The following RBM33 variants were observed in gnomAD, a reference collection of about 807,000 sequenced individuals.
RBM33 encodes RNA-binding protein 33.
RBM33 carries 28 observed loss-of-function variants against 132.6 expected under a neutral mutation model. The ratio of observed to expected loss-of-function variants is 0.21; its 90% confidence interval spans 0.16 to 0.29. The LOEUF is 0.29. Ranked by LOEUF, RBM33 falls within the 10% of genes least tolerant of loss-of-function variation. The pLI is 1.00. For missense variants in RBM33, 1,291 were observed against 1,518.5 expected (o/e 0.85, Z 2.49); for synonymous variants, 634 against 593.0 (o/e 1.07, Z -1.01).
intron 9 of RBM33, among the ~76,000 whole-genome samples, chr7:155,736,825 A>ATT: frequency 6.6e-6 from 1 of 152,334 alleles, no homozygotes; most frequent in East Asian, 1.9e-4. Flanking sequence ...GATTAATGGG[A>ATT]AATAGGCCAA....
intron 5 of RBM33, among the ~76,000 whole-genome samples, chr7:155,688,547 C>G (rs1799542197): frequency 6.6e-6 from 1 of 152,176 alleles, no homozygotes; most frequent in African/African-American, 2.4e-5. Flanking sequence ...GCATCCCTGT[C>G]TTGTGGCAGT....
intron 14 of RBM33, among the ~76,000 whole-genome samples, chr7:155,755,574 G>C (rs1264123881): frequency 6.6e-6 from 1 of 152,208 alleles, no homozygotes; most frequent in African/African-American, 2.4e-5. Context: ...TGTCACTCTA[G>C]AATAATGCTG....
At chr7:155,673,325 TAAAA>T (rs548380622) in intron 3 of RBM33, among the ~76,000 whole-genome samples, 104 of 152,018 alleles carry the variant, frequency 6.8e-4, no homozygotes, top group Non-Finnish European at 1.2e-3. Context: ...TTAAAATAAA[TAAAA>T]GTCTAAAACC....
intron 9 of RBM33, 78 bp from the exon 10 acceptor site, chr7:155,737,452 C>A: frequency 7.0e-7 from 1 of 1,426,492 alleles, no homozygotes; most frequent in Non-Finnish European, 9.3e-7. Flanking sequence ...AACTTGGAAC[C>A]AGGTCTATAT....
At chr7:155,753,681 G>A (rs1801756741) in intron 14 of RBM33, among the ~76,000 whole-genome samples, 1 of 152,250 alleles carries the variant, frequency 6.6e-6, no homozygotes, top group Non-Finnish European at 1.5e-5. Context: ...GACTAGGCAG[G>A]AAGGGAGACT....
At position 155,781,207 on chromosome 7, in the gene RBM33, G is replaced by A. The variant is rs1247219204; in HGVS notation, c.*6166G>A. On this transcript the variant is annotated 3_prime_UTR_variant, in exon 18 of 18. Transcript: ENST00000401878. ...ATTGAGACATGGAGAGATGACGGGA[G>A]TGCGTTTCTCTGGGTTTGATCTCCA... 1 of 152,628 alleles carries A rather than the reference G, an allele frequency of 6.6e-6. No individual in the cohort carries two copies. The highest frequency in any genetic ancestry group is 1.5e-5 in the Non-Finnish European group (1 of 68,104). 9.5% of individuals were successfully genotyped at this position (152,628 alleles called of 1,614,324 possible).
At position 155,700,799 on chromosome 7, in the gene RBM33, A is replaced by G. The variant is rs578237157; in HGVS notation, c.594A>G (p.Gln198=). 1.3e-6 allele frequency: 2 copies of G among 1,576,502 alleles called. No individual in the cohort carries two copies. Among genetic ancestry groups the G allele is most frequent in the African/African-American group, 2.7e-5 (2 of 74,296 alleles). Residue 198 remains glutamine (Q), a synonymous_variant, in exon 6 of 18, where the codon CAA becomes CAG. Coordinates refer to ENST00000401878, the MANE Select transcript of RBM33 (RefSeq NM_053043.3). ...GAGGTATGGAAACATTGGAACTTCAAAAGGACATCAAAGAAGAATCAGATG... is the reference window on the plus strand; with the variant it reads ...GAGGTATGGAAACATTGGAACTTCAGAAGGACATCAAAGAAGAATCAGATG... The part of the protein sequence containing the change: ...FTGGMETLEL[Q]KDIKEESDEE...
intron 1 of RBM33, among the ~76,000 whole-genome samples, chr7:155,653,486 G>T (rs1310323068): frequency 6.6e-6 from 1 of 151,438 alleles, no homozygotes; most frequent in Non-Finnish European, 1.5e-5. Flanking sequence ...GGGGGTGGGG[G>T]CCCTAGATAG....
intron 8 of RBM33, among the ~76,000 whole-genome samples, chr7:155,717,476 A>C (rs369954017): frequency 7.9e-6 from 1 of 126,638 alleles, no homozygotes; most frequent in East Asian, 2.6e-4. Flanking sequence ...AGTGGAATCC[A>C]GTTACATTCT....
chr7:155,706,579 C>T (rs953854702), intron 6 of RBM33, among the ~76,000 whole-genome samples: 2 of 152,140 alleles, frequency 1.3e-5, no homozygotes, highest in Non-Finnish European at 2.9e-5. Context: ...TAGCCTCAGT[C>T]AGCACATATC....
At chr7:155,649,424 C>T (rs1465866641) in intron 1 of RBM33, among the ~76,000 whole-genome samples, 1 of 152,152 alleles carries the variant, frequency 6.6e-6, no homozygotes, top group Non-Finnish European at 1.5e-5. Context: ...TAAAGAATGA[C>T]ATATTTTCTG....
In RBM33 at chr7:155,673,748, G is replaced by GTATA. The variant is rs1270373239; in HGVS notation, c.171+836_171+839dup. 6.6e-5 allele frequency among the ~76,000 whole-genome samples: 8 copies of GTATA among 121,086 alleles called. 1 individual carries two copies. Among genetic ancestry groups the GTATA allele is most frequent in the African/African-American group, 2.5e-4 (8 of 31,748 alleles). The allele number at this position is 121,086 out of a possible 152,430, so 79.4% of individuals were successfully genotyped here. Reference sequence around the variant, plus strand: ...CACACACATATATACATACACACGTGTATATACGCGCGCATGCGCGCACAC... The same window carrying GTATA: ...CACACACATATATACATACACACGTGTATATATATACGCGCGCATGCGCGCACAC... On this transcript the variant is annotated intron_variant, in intron 3 of 17. Transcript: ENST00000401878.
intron 9 of RBM33, among the ~76,000 whole-genome samples, chr7:155,720,819 T>A (rs1424851410): frequency 6.6e-6 from 1 of 152,186 alleles, no homozygotes; most frequent in Admixed American, 6.5e-5. Flanking sequence ...CCCCTCAGTT[T>A]CTATCCTGGT....
intron 5 of RBM33, among the ~76,000 whole-genome samples, chr7:155,697,176 GC>G (rs1799815423): frequency 6.6e-6 from 1 of 151,494 alleles, no homozygotes; most frequent in African/African-American, 2.4e-5. Context: ...AGCAACTTAA[GC>G]CCCACCTCCT....
chr7:155,658,650 C>T (rs911674608), intron 1 of RBM33, among the ~76,000 whole-genome samples: 3 of 152,148 alleles, frequency 2.0e-5, no homozygotes, highest in African/African-American at 7.2e-5. Context: ...CCACCCGCCT[C>T]GGCCTCCCAA....
At position 155,777,676 on chromosome 7, in the gene RBM33, A is replaced by G. The variant is rs1320074626; in HGVS notation, c.*2635A>G. 1.3e-5 allele frequency: 2 copies of G among 152,654 alleles called. No individual in the cohort carries two copies. The highest frequency in any genetic ancestry group is 1.3e-4 in the Admixed American group (2 of 15,282). 9.5% of individuals were successfully genotyped at this position (152,654 alleles called of 1,614,324 possible). A position where few individuals can be genotyped will look rare whatever the true frequency, so the allele number is the denominator to read the frequency against. On this transcript the variant is annotated 3_prime_UTR_variant, in exon 18 of 18. Coordinates refer to ENST00000401878, the MANE Select transcript of RBM33 (RefSeq NM_053043.3). ...TACCATGTAAATATGGACCTTTTAA[A>G]ATTAAAATACTATTGGAAGTGCTTT...
chr7:155,665,116 T>G (rs1285067375), intron 1 of RBM33, 59 bp from the exon 2 acceptor site: 7 of 1,449,262 alleles, frequency 4.8e-6, no homozygotes, highest in Non-Finnish European at 6.8e-6. Flanking sequence ...GTGTTTGAAT[T>G]ATTTGCATTG....
At chr7:155,726,415 A>T (rs1390085993) in intron 9 of RBM33, among the ~76,000 whole-genome samples, 1 of 151,942 alleles carries the variant, frequency 6.6e-6, no homozygotes, top group Non-Finnish European at 1.5e-5. Context: ...ATTAATATAG[A>T]TAAAAATCAT....
At position 155,739,879 on chromosome 7, in the gene RBM33, GCACCAC is replaced by G. The variant is rs754177553; in HGVS notation, c.1919_1924del (p.His640_His641del). The G allele has an allele frequency of 2.5e-5, 34 of 1,386,368 alleles. No homozygotes were observed. The highest frequency in any genetic ancestry group is 1.6e-4 in the South Asian group (13 of 81,350). 85.9% of individuals were successfully genotyped at this position (1,386,368 alleles called of 1,614,324 possible). A position where few individuals can be genotyped will look rare whatever the true frequency, so the allele number is the denominator to read the frequency against. On this transcript the variant is annotated inframe_deletion, in exon 12 of 18. Transcript: ENST00000401878. ...CACCACAGCACCCGCCGCAGCACCA[GCACCAC>G]CACCACCACCACCACCTGTCCGTCC...
Sources: gnomAD v4.1 joint callset for allele counts (sites outside exome capture counted in the v4.1 genomes callset) on GRCh38, gnomAD v4.1.1 for gene constraint, MANE v1.5 for transcripts, NCBI Gene and HGNC (gene_info 2026-07-23, HGNC 2026-07-21) for gene names.